KSR2: variants seen among roughly 807,000 people sequenced by gnomAD.
KSR2 encodes kinase suppressor of ras 2.
In KSR2, 25 loss-of-function variants were observed where a neutral mutation model predicts 107.8. The ratio of observed to expected loss-of-function variants is 0.23; its 90% confidence interval spans 0.17 to 0.32. The LOEUF (loss-of-function observed/expected upper bound fraction) is 0.32, where lower values mean the gene tolerates loss of function less well. Ranked by LOEUF, KSR2 falls within the 10% of genes least tolerant of loss-of-function variation. The pLI is 1.00. For missense variants in KSR2, 887 were observed against 1,268.9 expected (o/e 0.70, Z 4.57); for synonymous variants, 480 against 507.0 (o/e 0.95, Z 0.71).
intron 6 of KSR2, among the ~76,000 whole-genome samples, chr12:117,580,467 C>G (rs1879576599): frequency 6.6e-6 from 1 of 152,174 alleles, no homozygotes; most frequent in Admixed American, 6.5e-5. Context: ...CAGTGGGTGA[C>G]AGTTTTTTCT....
intron 7 of KSR2, 72 bp from the exon 8 acceptor site, chr12:117,558,645 G>A (rs1877876769): frequency 9.1e-7 from 1 of 1,095,740 alleles, no homozygotes; most frequent in Admixed American, 1.7e-5. Context: ...GTGGGTGGAT[G>A]AATGGATGGA....
chr12:117,653,451 G>A (rs968586432), intron 5 of KSR2, among the ~76,000 whole-genome samples: 8 of 152,186 alleles, frequency 5.3e-5, no homozygotes, highest in Non-Finnish European at 8.8e-5. Flanking sequence ...AATCTTATTC[G>A]GAGAGAGACC....
chr12:117,590,285 T>A (rs193169853), intron 5 of KSR2, among the ~76,000 whole-genome samples: 11 of 152,340 alleles, frequency 7.2e-5, no homozygotes, highest in African/African-American at 2.6e-4. Flanking sequence ...GCATACTTTA[T>A]TTCTGAACAG....
chr12:117,695,586 C>A (rs936401137), intron 4 of KSR2, among the ~76,000 whole-genome samples: 1 of 151,252 alleles, frequency 6.6e-6, no homozygotes, highest in African/African-American at 2.4e-5. Context: ...TGGCACACAC[C>A]TGTAGTCCCA....
At chr12:117,910,672 C>T (rs997323128) in intron 1 of KSR2, among the ~76,000 whole-genome samples, 2 of 152,194 alleles carry the variant, frequency 1.3e-5, no homozygotes, top group African/African-American at 4.8e-5. Flanking sequence ...CAGGCACTCA[C>T]CTGTACCCTC....
Position 117,455,070 on chromosome 12 carries a change from GA to G in KSR2, c.*12128del, listed in dbSNP as rs1870542113. On this transcript the variant is annotated 3_prime_UTR_variant, in exon 20 of 20. Transcript: ENST00000339824. Reference sequence around the variant, plus strand: ...AGAGAGAGAGAGAGAGAGAGAGAGAGAGGTCTGTAGAGCCAGAGAGGGATGC... The same window carrying G: ...AGAGAGAGAGAGAGAGAGAGAGAGAGGGTCTGTAGAGCCAGAGAGGGATGC... The G allele has an allele frequency of 6.7e-6, 1 of 149,326 alleles. No individual in the cohort carries two copies. Among genetic ancestry groups the G allele is most frequent in the African/African-American group, 2.5e-5 (1 of 40,384 alleles). 9.3% of individuals were successfully genotyped at this position (149,326 alleles called of 1,614,324 possible).
At chr12:117,467,467 C>T (rs564797363) in intron 19 of KSR2, among the ~76,000 whole-genome samples, 7 of 152,346 alleles carry the variant, frequency 4.6e-5, no homozygotes, top group South Asian at 2.1e-4. Context: ...TAATCAGAGA[C>T]GAACTTCTAC....
rs927615705 is a variant in KSR2 at position 117,455,736 on chromosome 12, G to A, written c.*11463C>T. The A allele has an allele frequency of 1.3e-5, 2 of 152,270 alleles. No individual in the cohort carries two copies. Among genetic ancestry groups the A allele is most frequent in the Admixed American group, 6.5e-5 (1 of 15,290 alleles). 9.4% of individuals were successfully genotyped at this position (152,270 alleles called of 1,614,324 possible). A position where few individuals can be genotyped will look rare whatever the true frequency, so the allele number is the denominator to read the frequency against. ...GTGTAGTGAATGGGGCTGGGGACAT[G>A]AGCCTTTGAAATACAAGCAAAATTT... On this transcript the variant is annotated 3_prime_UTR_variant, in exon 20 of 20. Transcript: ENST00000339824.
chr12:117,551,269 TTCCTCCTTCCTTTCC>T (rs1405436323), intron 9 of KSR2, among the ~76,000 whole-genome samples: 1 of 152,032 alleles, frequency 6.6e-6, no homozygotes, highest in South Asian at 2.1e-4. Flanking sequence ...TCTCTTCCTC[TTCCTCCTTCCTTTCC>T]TCCTCCTTCC....
intron 4 of KSR2, among the ~76,000 whole-genome samples, chr12:117,739,711 G>A (rs762886454): frequency 5.3e-5 from 8 of 152,170 alleles, no homozygotes; most frequent in Non-Finnish European, 7.4e-5. Context: ...GGCAAAGACA[G>A]TCTAGGGAAG....
At chr12:117,737,229 G>C (rs1165620935) in intron 4 of KSR2, among the ~76,000 whole-genome samples, 1 of 152,216 alleles carries the variant, frequency 6.6e-6, no homozygotes, top group African/African-American at 2.4e-5. Flanking sequence ...TAGGATTAGA[G>C]ACAAGTTCTG....
intron 4 of KSR2, among the ~76,000 whole-genome samples, chr12:117,695,397 T>C (rs773179106): frequency 6.6e-6 from 1 of 152,102 alleles, no homozygotes; most frequent in Non-Finnish European, 1.5e-5. Context: ...TTATGTATAT[T>C]TTGCTGCAAT....
At chr12:117,563,066 CTG>C (rs1408724124) in intron 7 of KSR2, among the ~76,000 whole-genome samples, 1 of 152,218 alleles carries the variant, frequency 6.6e-6, no homozygotes, top group East Asian at 1.9e-4. Context: ...TTAATGGAAA[CTG>C]TTCTTCCAGC....
rs140862893 is a variant in KSR2 at position 117,860,829 on chromosome 12, C to T, written c.181-398G>A. Among the ~76,000 whole-genome samples, 1,538 of 152,306 alleles carry T rather than the reference C, an allele frequency of 0.01. 55 individuals are homozygous for T. In the East Asian group the frequency reaches 0.12, roughly 12 times the overall value. ...CACCTCCCAAGTTCAAGCAATTCTCCGGCCTCAGCCTCCCAAGTATCTGGG... is the reference window on the plus strand; with the variant it reads ...CACCTCCCAAGTTCAAGCAATTCTCTGGCCTCAGCCTCCCAAGTATCTGGG... On this transcript the variant is annotated intron_variant, in intron 1 of 19. Transcript: ENST00000339824.
chr12:117,941,792 A>ATTTT (rs542293863), intron 1 of KSR2, among the ~76,000 whole-genome samples: 23 of 97,750 alleles, frequency 2.4e-4, no homozygotes, highest in Admixed American at 4.0e-4. Context: ...GGCCTGGCTA[A>ATTTT]TTTTTTTTTT....
At chr12:117,566,207 C>T (rs1042010277) in intron 7 of KSR2, among the ~76,000 whole-genome samples, 11 of 152,126 alleles carry the variant, frequency 7.2e-5, no homozygotes, top group Non-Finnish European at 1.3e-4. Flanking sequence ...CTGCAACTTC[C>T]GCCCCCAGTT....
intron 1 of KSR2, among the ~76,000 whole-genome samples, chr12:117,948,872 T>A (rs1896274754): frequency 6.6e-6 from 1 of 152,094 alleles, no homozygotes; most frequent in African/African-American, 2.4e-5. Flanking sequence ...GCAGGGTGGA[T>A]CACCTGAGGT....
rs117609697 is a variant in KSR2 at position 117,725,834 on chromosome 12, C to T, written c.986+35177G>A. On this transcript the variant is annotated intron_variant, in intron 4 of 19. Transcript: ENST00000339824. ...TGGTGGTGCACACCTGTAAGCCCCC[C>T]GACTCAAGAGGGGGAGGCACAAGAA... Among the ~76,000 whole-genome samples the T allele has an allele frequency of 3.9e-4, 59 of 152,112 alleles. 1 individual carries two copies. The East Asian group carries it at 0.01, about 26-fold the overall frequency.
At chr12:117,525,255 C>T (rs1233147318) in intron 13 of KSR2, 36 bp from the exon 14 acceptor site, 3 of 1,534,960 alleles carry the variant, frequency 2.0e-6, no homozygotes, top group African/African-American at 2.7e-5. Context: ...AGAATTGTGT[C>T]TGCCACTGCC....
Sources: allele counts gnomAD v4.1 joint callset (sites outside exome capture counted in the v4.1 genomes callset), GRCh38; gene constraint gnomAD v4.1.1; transcripts MANE v1.5; gene names NCBI Gene and HGNC (gene_info 2026-07-23, HGNC 2026-07-21).